The following PRDM1 variants were observed in gnomAD, a reference collection of about 807,000 sequenced individuals.
The protein encoded by PRDM1 is PR/SET domain 1, also known as PR domain zinc finger protein 1.
A neutral mutation model predicts 62.8 loss-of-function variants in PRDM1; 13 were observed. The observed-to-expected ratio is 0.21, with a 90% CI of 0.13 to 0.33. PRDM1 has a LOEUF of 0.33. Ranked by LOEUF, PRDM1 falls within the 10% of genes least tolerant of loss-of-function variation. The pLI, the probability that PRDM1 is intolerant of heterozygous loss-of-function variation, is 1.00. For synonymous variants in PRDM1, 396 were observed against 417.6 expected, an observed-to-expected ratio of 0.95 and a Z score of 0.63; for missense variants, 895 against 1,058.8, an observed-to-expected ratio of 0.85 and a Z score of 2.15.
At chr6:106,030,562 TTGACGGGGGTGGGGGGC>T (rs1205892104) in intron 1 of PRDM1, among the ~76,000 whole-genome samples, 1 of 151,964 alleles carries the variant, frequency 6.6e-6, no homozygotes, top group Non-Finnish European at 1.5e-5. Flanking sequence ...TATGCCTTTT[TTGACGGGGGTGGGGGGC>T]AGGTAACTTA....
At chr6:106,040,552 C>CTT (rs1562150627) in intron 1 of PRDM1, among the ~76,000 whole-genome samples, 1 of 152,224 alleles carries the variant, frequency 6.6e-6, no homozygotes, top group Non-Finnish European at 1.5e-5. Context: ...CCGTCTGCAG[C>CTT]TTTTCTCTGT....
In PRDM1 at chr6:106,107,504, T is replaced by G; in HGVS notation, c.*18T>G. The stretch of plus-strand genomic sequence containing the variant: ...ATCCTTAAGATTTTCAGAAAACACT[T>G]ATTTTGTTTCTTAAGTTATGACTTG... On this transcript the variant is annotated 3_prime_UTR_variant, in exon 7 of 7. Coordinates refer to ENST00000369096, the MANE Select transcript of PRDM1 (RefSeq NM_001198.4). 6.4e-7 allele frequency: 1 copy of G among 1,572,686 alleles called. No individual in the cohort carries two copies.
At chr6:106,093,758 G>A (rs1359310841) in intron 2 of PRDM1, among the ~76,000 whole-genome samples, 4 of 152,140 alleles carry the variant, frequency 2.6e-5, no homozygotes, top group South Asian at 2.1e-4. Flanking sequence ...AATGACAAAC[G>A]GTGATTAAAA....
intron 1 of PRDM1, among the ~76,000 whole-genome samples, chr6:106,015,775 TTTTC>T (rs1443947002): frequency 1.2e-4 from 18 of 152,148 alleles, no homozygotes; most frequent in African/African-American, 3.9e-4. Flanking sequence ...TGTTTTTTCC[TTTTC>T]TTTCTTTTTT....
chr6:106,100,594 T>C (rs1374923401), intron 4 of PRDM1: 1 of 152,202 alleles, frequency 6.6e-6, no homozygotes, highest in African/African-American at 2.4e-5. Flanking sequence ...TTAACATAAA[T>C]TGGAATTTTG....
intron 1 of PRDM1, chr6:106,087,531 C>G (rs1054842815): frequency 1.3e-5 from 3 of 232,630 alleles, no homozygotes; most frequent in Non-Finnish European, 2.5e-5. Context: ...TCCTGTGGTC[C>G]AAGTGATTTC....
intron 1 of PRDM1, among the ~76,000 whole-genome samples, chr6:106,005,214 T>A (rs1394866020): frequency 6.6e-6 from 1 of 152,250 alleles, no homozygotes; most frequent in Non-Finnish European, 1.5e-5. Flanking sequence ...CATTTTCATG[T>A]GCTAATGAAG....
intron 1 of PRDM1, among the ~76,000 whole-genome samples, chr6:106,036,451 A>G (rs1207503604): frequency 6.6e-6 from 1 of 152,196 alleles, no homozygotes; most frequent in Non-Finnish European, 1.5e-5. Context: ...TGTATTTGCC[A>G]TGAGATCACA....
At chr6:106,047,520 G>A (rs934450664), upstream of PRDM1, among the ~76,000 whole-genome samples, 1 of 152,188 alleles carries the variant, frequency 6.6e-6, no homozygotes, top group Admixed American at 6.5e-5. Flanking sequence ...ACAAGAATAG[G>A]ATGTAAAAAG....
chr6:106,055,421 T>G (rs1773248948), intron 1 of PRDM1, among the ~76,000 whole-genome samples: 2 of 152,208 alleles, frequency 1.3e-5, no homozygotes, highest in Admixed American at 1.3e-4. Context: ...AGTAGCCTGG[T>G]TCACTATTAT....
intron 1 of PRDM1, among the ~76,000 whole-genome samples, chr6:106,030,252 T>G (rs1313637730): frequency 6.6e-6 from 1 of 152,130 alleles, no homozygotes; most frequent in Non-Finnish European, 1.5e-5. Context: ...CACTATAACT[T>G]CAAACTCCAG....
intron 2 of PRDM1, among the ~76,000 whole-genome samples, chr6:106,089,727 C>G (rs922457041): frequency 6.6e-6 from 1 of 152,228 alleles, no homozygotes; most frequent in Non-Finnish European, 1.5e-5. Flanking sequence ...AAGTAATGCT[C>G]TTCTTATAGA....
intron 1 of PRDM1, among the ~76,000 whole-genome samples, chr6:105,995,247 A>G: frequency 6.6e-6 from 1 of 152,180 alleles, no homozygotes; most frequent in East Asian, 1.9e-4. Flanking sequence ...CTTTGGGATC[A>G]ATGATCTTTC....
chr6:106,038,655 C>A (rs1027311915), intron 1 of PRDM1, among the ~76,000 whole-genome samples: 1 of 152,194 alleles, frequency 6.6e-6, no homozygotes, highest in East Asian at 1.9e-4. Flanking sequence ...AATCAGTGAT[C>A]AAGACATAGA....
At chr6:106,042,606 C>T (rs183331710) in intron 1 of PRDM1, among the ~76,000 whole-genome samples, 99 of 151,880 alleles carry the variant, frequency 6.5e-4, no homozygotes, top group African/African-American at 2.2e-3. Context: ...TAAGAATGAA[C>T]GTTTAACTTC....
At chr6:106,023,068 G>A (rs867004236) in intron 1 of PRDM1, among the ~76,000 whole-genome samples, 2 of 152,070 alleles carry the variant, frequency 1.3e-5, no homozygotes, top group East Asian at 3.9e-4. Context: ...CTGTTAAAGC[G>A]ATTTCCTTCA....
chr6:106,093,872 G>T (rs989580094), intron 2 of PRDM1, among the ~76,000 whole-genome samples: 1 of 151,980 alleles, frequency 6.6e-6, no homozygotes, highest in Non-Finnish European at 1.5e-5. Flanking sequence ...TAACACTCTT[G>T]TTTCAACTTA....
chr6:106,088,819 GA>G (rs1201590729), intron 2 of PRDM1, among the ~76,000 whole-genome samples: 1 of 151,842 alleles, frequency 6.6e-6, no homozygotes, highest in East Asian at 1.9e-4. Flanking sequence ...CTTTTTCTTG[GA>G]AAAAAAAGTT....
chr6:106,039,293 A>G (rs1487982651), intron 1 of PRDM1, among the ~76,000 whole-genome samples: 1 of 152,158 alleles, frequency 6.6e-6, no homozygotes, highest in African/African-American at 2.4e-5. Context: ...AAAAATAGAC[A>G]GAGAGCCTTT....
Sources: gnomAD v4.1 joint callset for allele counts (sites outside exome capture counted in the v4.1 genomes callset) on GRCh38, gnomAD v4.1.1 for gene constraint, MANE v1.5 for transcripts, NCBI Gene and HGNC (gene_info 2026-07-23, HGNC 2026-07-21) for gene names.